ADAMTS9: variants seen among roughly 807,000 people sequenced by gnomAD.
ADAMTS9 encodes the protein A disintegrin and metalloproteinase with thrombospondin motifs 9.
A neutral mutation model predicts 257.1 loss-of-function variants in ADAMTS9; 107 were observed. That is an observed-to-expected ratio of 0.42 (90% CI 0.36 to 0.49). The LOEUF (loss-of-function observed/expected upper bound fraction) is 0.49. Ranked by LOEUF, ADAMTS9 falls within the 20% of genes least tolerant of loss-of-function variation. The pLI is 0.03. For synonymous variants in ADAMTS9, 982 were observed against 880.9 expected, an observed-to-expected ratio of 1.11 and a Z score of -2.03; for missense variants, 2,353 against 2,469.1, an observed-to-expected ratio of 0.95 and a Z score of 1.00.
intron 28 of ADAMTS9, among the ~76,000 whole-genome samples, chr3:64,574,983 A>G (rs570045004): frequency 1.3e-5 from 2 of 152,208 alleles, no homozygotes; most frequent in Non-Finnish European, 2.9e-5. Context: ...AGTGCCTGTG[A>G]AGAAAGACAC....
chr3:64,606,078 G>C (rs952038098), intron 23 of ADAMTS9, among the ~76,000 whole-genome samples: 1 of 152,168 alleles, frequency 6.6e-6, no homozygotes, highest in South Asian at 2.1e-4. Context: ...GAATGATGAA[G>C]ATGTATGGCC....
intron 38 of ADAMTS9, among the ~76,000 whole-genome samples, chr3:64,526,230 C>G (rs2082908735): frequency 6.6e-6 from 1 of 151,636 alleles, no homozygotes; most frequent in Admixed American, 6.6e-5. Flanking sequence ...GGGTATCCCA[C>G]TTACCGTGAT....
chr3:64,603,230 T>A (rs1442274579), intron 25 of ADAMTS9, among the ~76,000 whole-genome samples: 1 of 152,182 alleles, frequency 6.6e-6, no homozygotes, highest in African/African-American at 2.4e-5. Context: ...AATGCCAAGG[T>A]CTGGGTTTTT....
At chr3:64,626,066 C>T (rs1470771779) in intron 16 of ADAMTS9, among the ~76,000 whole-genome samples, 2 of 152,158 alleles carry the variant, frequency 1.3e-5, no homozygotes, top group Non-Finnish European at 2.9e-5. Flanking sequence ...TTAACCTCTC[C>T]AAGCCTCAGT....
chr3:64,679,927 C>A (rs1264779907), intron 3 of ADAMTS9, among the ~76,000 whole-genome samples: 1 of 152,144 alleles, frequency 6.6e-6, no homozygotes, highest in Non-Finnish European at 1.5e-5. Flanking sequence ...TATACTTGCC[C>A]CTCTACTCCT....
At chr3:64,536,888 T>C (rs2083057400) in intron 37 of ADAMTS9, among the ~76,000 whole-genome samples, 1 of 152,184 alleles carries the variant, frequency 6.6e-6, no homozygotes, top group Non-Finnish European at 1.5e-5. Flanking sequence ...TATTAATAAA[T>C]ACATCCACAA....
chr3:64,619,593 AATTAT>A (rs540087295), intron 19 of ADAMTS9, among the ~76,000 whole-genome samples: 299 of 152,298 alleles, frequency 2.0e-3, no homozygotes, highest in African/African-American at 6.9e-3. Flanking sequence ...GTAGGGTATT[AATTAT>A]ATTAACAGGA....
chr3:64,632,763 C>G (rs1426759210), intron 14 of ADAMTS9, among the ~76,000 whole-genome samples: 1 of 151,944 alleles, frequency 6.6e-6, no homozygotes, highest in Non-Finnish European at 1.5e-5. Context: ...GTGGGTGATG[C>G]CCTTAGGGGC....
chr3:64,547,464 C>G (rs2083216464), intron 31 of ADAMTS9, among the ~76,000 whole-genome samples: 1 of 149,156 alleles, frequency 6.7e-6, no homozygotes, highest in African/African-American at 2.6e-5. Context: ...GGCTTTCCTA[C>G]CTGCCCTCCA....
At chr3:64,660,579 G>A (rs922103618) in intron 3 of ADAMTS9, among the ~76,000 whole-genome samples, 1 of 152,142 alleles carries the variant, frequency 6.6e-6, no homozygotes. Flanking sequence ...CCTGCCTGGG[G>A]CTGGAAATCA....
At chr3:64,622,995 T>C (rs1257411406) in intron 16 of ADAMTS9, among the ~76,000 whole-genome samples, 1 of 152,202 alleles carries the variant, frequency 6.6e-6, no homozygotes, top group Non-Finnish European at 1.5e-5. Flanking sequence ...GACAAATCTA[T>C]ATATACTAGA....
intron 26 of ADAMTS9, among the ~76,000 whole-genome samples, chr3:64,599,462 A>G (rs2084419514): frequency 6.6e-6 from 1 of 152,202 alleles, no homozygotes; most frequent in African/African-American, 2.4e-5. Context: ...GGAGACAGAT[A>G]TTTGTTTTTT....
rs770294758 is a variant in ADAMTS9, at chr3:64,633,461, C to G, written c.2175+11G>C. The G allele has an allele frequency of 1.2e-6, 2 of 1,613,776 alleles. No homozygotes were observed. Among genetic ancestry groups the G allele is most frequent in the Non-Finnish European group, 1.7e-6 (2 of 1,179,864 alleles). ...GAAAACACAGTGAAGAAAACACCAT[C>G]AAGGACTTACCCGGCAAAGGCCCTG... On this transcript the variant is annotated intron_variant, in intron 14 of 39. Transcript: ENST00000498707.
intron 12 of ADAMTS9, among the ~76,000 whole-genome samples, chr3:64,638,573 T>C (rs547224006): frequency 1.2e-3 from 187 of 152,260 alleles, no homozygotes; most frequent in Middle Eastern, 3.4e-3. Flanking sequence ...GATCATCTTA[T>C]CTGTAGGGCA....
intron 12 of ADAMTS9, among the ~76,000 whole-genome samples, chr3:64,641,162 A>G (rs1482961813): frequency 6.6e-6 from 1 of 152,048 alleles, no homozygotes; most frequent in Non-Finnish European, 1.5e-5. Flanking sequence ...TAGAAGGAAT[A>G]TATTAGTCTA....
At chr3:64,565,602 A>T (rs1388991440) in intron 29 of ADAMTS9, 1 of 152,170 alleles carries the variant, frequency 6.6e-6, no homozygotes, top group Non-Finnish European at 1.5e-5. Flanking sequence ...TATTCTTTTT[A>T]TTTTTGATCT....
chr3:64,653,703 T>C (rs555636609), intron 8 of ADAMTS9, among the ~76,000 whole-genome samples: 3 of 152,294 alleles, frequency 2.0e-5, no homozygotes, highest in Non-Finnish European at 4.4e-5. Context: ...AGATCAAAAC[T>C]CAGAATAATT....
At position 64,664,075 on chromosome 3, in the gene ADAMTS9, G is replaced by A. The variant is rs117258606; in HGVS notation, c.680-5284C>T. 3.0e-4 allele frequency among the ~76,000 whole-genome samples: 45 copies of A among 152,192 alleles called. No individual in the cohort carries two copies. The East Asian group carries it at 8.1e-3, about 27-fold the overall frequency. ...AGTGATCCACATTTCTCTTTTGTGA[G>A]CTTTTAGTATAATGCTAAAGGAGGA... On this transcript the variant is annotated intron_variant, in intron 3 of 39. Coordinates refer to ENST00000498707, the MANE Select transcript of ADAMTS9 (RefSeq NM_182920.2).
chr3:64,618,903 T>C (rs1700032137), intron 19 of ADAMTS9, among the ~76,000 whole-genome samples: 1 of 152,184 alleles, frequency 6.6e-6, no homozygotes, highest in Non-Finnish European at 1.5e-5. Context: ...ACATTTTATG[T>C]CTAAAGGCTT....
Sources: allele counts gnomAD v4.1 joint callset (sites outside exome capture counted in the v4.1 genomes callset), GRCh38; gene constraint gnomAD v4.1.1; transcripts MANE v1.5; gene names NCBI Gene and HGNC (gene_info 2026-07-23, HGNC 2026-07-21).